The following ERICH1 variants were observed in gnomAD, a reference collection of about 807,000 sequenced individuals.
ERICH1 encodes the protein glutamate-rich protein 1.
A neutral mutation model predicts 39.6 loss-of-function variants in ERICH1; 56 were observed. That is an observed-to-expected ratio of 1.41 (90% confidence interval 1.14 to 1.77). The LOEUF is 1.77. ERICH1 is among the 40% of genes most tolerant of loss of function. The probability of loss-of-function intolerance (pLI) is 0.00; values close to 1 mark genes in which losing one functional copy is unlikely to be tolerated. For missense variants in ERICH1, 826 were observed against 575.4 expected, an observed-to-expected ratio of 1.44 and a Z score of -4.45; for synonymous variants, 313 against 223.6, an observed-to-expected ratio of 1.40 and a Z score of -3.57.
At chr8:638,331 T>G (rs1798611389) in intron 3 of ERICH1, among the ~76,000 whole-genome samples, 1 of 152,200 alleles carries the variant, frequency 6.6e-6, no homozygotes. Context: ...ACAGCCACGC[T>G]TGGGCACGTT....
At chr8:713,612 G>A (rs544636415) in intron 2 of ERICH1, among the ~76,000 whole-genome samples, 22 of 152,170 alleles carry the variant, frequency 1.4e-4, no homozygotes, top group African/African-American at 4.8e-4. Context: ...TTTCTGAGCC[G>A]GCCTGGAAAT....
intron 1 of ERICH1, chr8:725,145 A>G: frequency 6.6e-6 from 1 of 150,478 alleles, no homozygotes; most frequent in Non-Finnish European, 1.4e-5. Flanking sequence ...GTGCCTGCTG[A>G]CCCCTCCGGC....
At chr8:695,082 A>C (rs909655405) in intron 2 of ERICH1, among the ~76,000 whole-genome samples, 1 of 151,614 alleles carries the variant, frequency 6.6e-6, no homozygotes, top group Non-Finnish European at 1.5e-5. Context: ...GGGTTTCACC[A>C]GTGTCACCTC....
At chr8:627,930 GAAC>G (rs1797690595) in intron 3 of ERICH1, among the ~76,000 whole-genome samples, 1 of 152,184 alleles carries the variant, frequency 6.6e-6, no homozygotes, top group Admixed American at 6.5e-5. Context: ...GCCCAGCAGA[GAAC>G]ACAGGGGCCG....
chr8:616,783 G>A (rs111065235), intron 3 of ERICH1, among the ~76,000 whole-genome samples: 94 of 111,260 alleles, frequency 8.4e-4, no homozygotes, highest in South Asian at 1.1e-3. Flanking sequence ...AGAGGGAGAG[G>A]GAGAGAGATG....
chr8:630,762 G>A (rs1584961161), intron 3 of ERICH1, among the ~76,000 whole-genome samples: 2 of 131,824 alleles, frequency 1.5e-5, no homozygotes, highest in East Asian at 2.4e-4. Context: ...ACACCCTCCC[G>A]TGAGCACCCA....
chr8:717,479 A>G (rs190907489), intron 1 of ERICH1, among the ~76,000 whole-genome samples: 3 of 152,346 alleles, frequency 2.0e-5, no homozygotes, highest in Admixed American at 2.0e-4. Context: ...TGTTCAAAAG[A>G]AGGTTCCAAG....
chr8:627,019 T>G lies in ERICH1; in HGVS notation c.977-11735A>C, dbSNP rs186382527. On this transcript the variant is annotated intron_variant, in intron 3 of 3. Transcript: ENST00000522706. ...GGTACTCACCAAGCTCTCGTCATGG[T>G]GTCCGACACTCCCTTCTGTCTCCTC... The G allele has an allele frequency of 5.4e-4, 235 of 433,324 alleles. 2 individuals are homozygous for G. Among genetic ancestry groups the G allele is most frequent in the Non-Finnish European group, 3.4e-4 (72 of 212,170 alleles). The allele number at this position is 433,324 out of a possible 1,614,324, so 26.8% of individuals were successfully genotyped here.
chr8:636,915 G>A (rs1798484054), intron 3 of ERICH1, among the ~76,000 whole-genome samples: 1 of 152,128 alleles, frequency 6.6e-6, no homozygotes, highest in Admixed American at 6.5e-5. Context: ...AGGGTCGGAG[G>A]GTTGGTTCAG....
chr8:701,647 G>A (rs555855160), intron 2 of ERICH1, among the ~76,000 whole-genome samples: 3 of 152,196 alleles, frequency 2.0e-5, no homozygotes, highest in Non-Finnish European at 2.9e-5. Context: ...TCTATGATAC[G>A]TGTATTTTTT....
chr8:665,150 C>G (rs548182645), intron 5 of ERICH1, among the ~76,000 whole-genome samples: 148 of 152,264 alleles, frequency 9.7e-4, no homozygotes, highest in Non-Finnish European at 1.5e-3. Context: ...GCAGCGCCGG[C>G]CAAAGGCAGC....
At position 639,808 on chromosome 8, in the gene ERICH1, C is replaced by G. The variant is rs1363503061; in HGVS notation, c.977-24524G>C. ...CACATGACCGAGCACCCTGGATTCA[C>G]AGGCAGCCACGAATCCAGTGAGCAG... On this transcript the variant is annotated intron_variant, in intron 3 of 3. Transcript: ENST00000522706. Among the ~76,000 whole-genome samples the G allele has an allele frequency of 1.1e-3, 137 of 124,884 alleles. 1 individual carries two copies. Among genetic ancestry groups the G allele is most frequent in the South Asian group, 1.5e-3 (5 of 3,410 alleles). The allele number at this position is 124,884 out of a possible 152,430, so 81.9% of individuals were successfully genotyped here.
At chr8:699,016 G>C (rs1348696194) in intron 2 of ERICH1, among the ~76,000 whole-genome samples, 1 of 151,774 alleles carries the variant, frequency 6.6e-6, no homozygotes, top group Non-Finnish European at 1.5e-5. Context: ...TGTGGCGGGA[G>C]GCTCAGTGGA....
chr8:675,808 C>G (rs75543207), intron 3 of ERICH1, among the ~76,000 whole-genome samples: 1 of 4,504 alleles, frequency 2.2e-4, no homozygotes, highest in Non-Finnish European at 3.5e-4. Flanking sequence ...AGACGCGGCG[C>G]CCCCTCGGCG....
intron 5 of ERICH1, among the ~76,000 whole-genome samples, chr8:665,645 G>A (rs754549284): frequency 6.6e-6 from 1 of 152,248 alleles, no homozygotes; most frequent in Non-Finnish European, 1.5e-5. Context: ...CTCAGTGCAC[G>A]GTGGGAGGAA....
At chr8:727,094 A>T (rs1335157715) in intron 1 of ERICH1, among the ~76,000 whole-genome samples, 1 of 152,038 alleles carries the variant, frequency 6.6e-6, no homozygotes, top group East Asian at 1.9e-4. Flanking sequence ...CGCACACCAC[A>T]AAGGCACACA....
intron 2 of ERICH1, among the ~76,000 whole-genome samples, chr8:705,465 TC>T (rs1417780321): frequency 2.0e-5 from 3 of 152,080 alleles, no homozygotes; most frequent in African/African-American, 7.2e-5. Flanking sequence ...GCACAGCACT[TC>T]AAAAATATGT....
chr8:699,759 TCACA>T (rs1388657085), intron 2 of ERICH1, among the ~76,000 whole-genome samples: 14 of 66,172 alleles, frequency 2.1e-4, no homozygotes, highest in African/African-American at 7.4e-4. Context: ...ACGTGCACAC[TCACA>T]CAGCCGCACA....
chr8:708,702 T>TGTTG (rs1554526316), intron 2 of ERICH1, among the ~76,000 whole-genome samples: 1 of 113,970 alleles, frequency 8.8e-6, no homozygotes, highest in Non-Finnish European at 1.8e-5. Context: ...TTTTTTTTTT[T>TGTTG]TTTTTTTTTG....
Sources: allele counts gnomAD v4.1 joint callset (sites outside exome capture counted in the v4.1 genomes callset), GRCh38; gene constraint gnomAD v4.1.1; transcripts MANE v1.5; gene names NCBI Gene and HGNC (gene_info 2026-07-23, HGNC 2026-07-21).